RYR2: variants seen among roughly 807,000 people sequenced by gnomAD.
RYR2 encodes cardiac muscle ryanodine receptor-calcium release channel.
In RYR2, 227 loss-of-function variants were observed where a neutral mutation model predicts 601.1. The observed-to-expected ratio is 0.38, with a 90% CI of 0.34 to 0.42. The LOEUF is 0.42. RYR2 is among the 10% of genes least tolerant of loss of function. RYR2 has a pLI of 1.00. For missense variants in RYR2, 4,646 were observed against 6,156.5 expected (o/e 0.75, Z 8.21); for synonymous variants, 2,223 against 2,175.1 (o/e 1.02, Z -0.61).
At chr1:237,744,719 T>TAAA (rs10925505) in intron 80 of RYR2, among the ~76,000 whole-genome samples, 1,593 of 146,278 alleles carry the variant, frequency 0.011, 18 homozygotes, top group Middle Eastern at 0.022. Flanking sequence ...CTTCTTTTTT[T>TAAA]AAAAAAAAAA....
chr1:237,167,408 T>A (rs948496690), intron 1 of RYR2, among the ~76,000 whole-genome samples: 6 of 152,204 alleles, frequency 3.9e-5, no homozygotes, highest in Admixed American at 3.3e-4. Context: ...CAAGAACTAT[T>A]CAACAGCTCA....
intron 16 of RYR2, among the ~76,000 whole-genome samples, chr1:237,468,589 T>C (rs891560705): frequency 2.6e-5 from 4 of 152,238 alleles, no homozygotes; most frequent in African/African-American, 9.6e-5. Context: ...TCATCCATTA[T>C]TTAATGTAAC....
chr1:237,184,567 G>A (rs622149), intron 1 of RYR2, among the ~76,000 whole-genome samples: 145,324 of 152,222 alleles, frequency 0.95, 69,568 homozygotes, highest in Non-Finnish European at 0.99. Context: ...TTTTGGCAGA[G>A]TAAATAGTCT....
chr1:237,594,894 T>TGTTTTTTTG (rs1334728750), intron 33 of RYR2, among the ~76,000 whole-genome samples: 16 of 18,352 alleles, frequency 8.7e-4, no homozygotes, highest in African/African-American at 1.1e-3. Flanking sequence ...GGGTTTTTTT[T>TGTTTTTTTG]TTTTTTTTTT....
intron 22 of RYR2, 134 bp downstream of exon 22, chr1:237,503,639 A>C (rs1664895963): frequency 1.4e-6 from 1 of 734,186 alleles, no homozygotes; most frequent in Admixed American, 2.6e-5. Context: ...GTAGGACTGA[A>C]ATGAGTCTCA....
At chr1:237,266,888 G>T (rs1057091086) in intron 1 of RYR2, among the ~76,000 whole-genome samples, 5 of 152,008 alleles carry the variant, frequency 3.3e-5, no homozygotes, top group Non-Finnish European at 7.4e-5. Flanking sequence ...ATGATTGAAA[G>T]CTGTAGCTAT....
chr1:237,118,876 G>A (rs147537044), intron 1 of RYR2, among the ~76,000 whole-genome samples: 9 of 151,896 alleles, frequency 5.9e-5, no homozygotes, highest in Admixed American at 3.9e-4. Flanking sequence ...TAAAGAAACC[G>A]GAACTACTTA....
chr1:237,649,337 T>C (rs1201663785), intron 49 of RYR2, among the ~76,000 whole-genome samples: 1 of 152,204 alleles, frequency 6.6e-6, no homozygotes, highest in East Asian at 1.9e-4. Flanking sequence ...AAAAATGAAA[T>C]GAAAATTTCT....
intron 1 of RYR2, among the ~76,000 whole-genome samples, chr1:237,060,491 C>T (rs980868027): frequency 4.6e-5 from 7 of 152,206 alleles, no homozygotes; most frequent in Non-Finnish European, 8.8e-5. Flanking sequence ...GCAGTGTGAA[C>T]GCAGTTGTGT....
chr1:237,082,466 C>G (rs1665819604), intron 1 of RYR2, among the ~76,000 whole-genome samples: 1 of 144,864 alleles, frequency 6.9e-6, no homozygotes, highest in Non-Finnish European at 1.5e-5. Flanking sequence ...CACCTGATAA[C>G]TGCCTGTTAT....
chr1:237,581,200 A>G (rs12125549), intron 29 of RYR2, among the ~76,000 whole-genome samples: 39,499 of 152,086 alleles, frequency 0.26, 5,618 homozygotes, highest in East Asian at 0.61. Flanking sequence ...TTATGTTTGG[A>G]GATTACCACA....
intron 25 of RYR2, among the ~76,000 whole-genome samples, chr1:237,538,437 G>A (rs1424353975): frequency 9.4e-5 from 12 of 127,858 alleles, no homozygotes; most frequent in African/African-American, 3.5e-4. Flanking sequence ...AGGGAAGATG[G>A]TATTGATGGT....
At chr1:237,152,608 T>A (rs143298427) in intron 1 of RYR2, among the ~76,000 whole-genome samples, 1 of 152,204 alleles carries the variant, frequency 6.6e-6, no homozygotes, top group Non-Finnish European at 1.5e-5. Flanking sequence ...TCATCAGTGA[T>A]GTTGAGCTTT....
At position 237,783,476 on chromosome 1, in the gene RYR2, G is replaced by A. The variant is rs114895406; in HGVS notation, c.11963-199G>A. 4.3e-3 allele frequency among the ~76,000 whole-genome samples: 662 copies of A among 152,204 alleles called. 8 individuals are homozygous for A. The highest frequency in any genetic ancestry group is 0.015 in the African/African-American group (616 of 41,500). ...ATATTTTATGTGTGTCAGTCTAATT[G>A]CTCTGTAAATAGGGTTATGCATGTT... On this transcript the variant is annotated intron_variant, in intron 89 of 104. Transcript: ENST00000366574.
chr1:237,831,126 C>T (rs560696717), intron 103 of RYR2, among the ~76,000 whole-genome samples: 9 of 152,128 alleles, frequency 5.9e-5, no homozygotes, highest in Non-Finnish European at 8.8e-5. Flanking sequence ...ACTCATTTTC[C>T]GACCCAATTT....
intron 28 of RYR2, among the ~76,000 whole-genome samples, chr1:237,568,889 T>A (rs1424023086): frequency 6.6e-6 from 1 of 152,154 alleles, no homozygotes; most frequent in Non-Finnish European, 1.5e-5. Flanking sequence ...AATAATAAGC[T>A]CTCAAAATCA....
chr1:237,058,598 C>T (rs1662456960), intron 1 of RYR2, among the ~76,000 whole-genome samples: 1 of 152,188 alleles, frequency 6.6e-6, no homozygotes, highest in Non-Finnish European at 1.5e-5. Flanking sequence ...TCTGAATGAG[C>T]ACCTATAACA....
At chr1:237,234,875 G>T (rs1685394661) in intron 1 of RYR2, among the ~76,000 whole-genome samples, 2 of 151,722 alleles carry the variant, frequency 1.3e-5, no homozygotes, top group African/African-American at 4.8e-5. Context: ...GAAGCTTACA[G>T]TTTTGTGATT....
rs534790029 is a variant in RYR2 at position 237,385,153 on chromosome 1, T to G, written c.577-2128T>G. Among the ~76,000 whole-genome samples, 4 of 152,282 alleles carry G rather than the reference T, an allele frequency of 2.6e-5. No individual in the cohort carries two copies. In the East Asian group the frequency reaches 5.8e-4, roughly 22 times the overall value. On this transcript the variant is annotated intron_variant, in intron 8 of 104. Transcript: ENST00000366574. ...ATCCACCTGCCTCAGTCTCCCATAG[T>G]GCTGTGATTACAGGCGTGAGCCACC...
Sources: gnomAD v4.1 joint callset for allele counts (sites outside exome capture counted in the v4.1 genomes callset) on GRCh38, gnomAD v4.1.1 for gene constraint, MANE v1.5 for transcripts, NCBI Gene and HGNC (gene_info 2026-07-23, HGNC 2026-07-21) for gene names.